The following ANKS1B variants were observed in gnomAD, a reference collection of about 807,000 sequenced individuals.
The protein encoded by ANKS1B is ankyrin repeat and sterile alpha motif domain-containing protein 1B.
ANKS1B carries 36 observed loss-of-function variants against 148.3 expected under a neutral mutation model. The ratio of observed to expected loss-of-function variants is 0.24; its 90% CI spans 0.19 to 0.32. The LOEUF (loss-of-function observed/expected upper bound fraction) is 0.32, where lower values mean the gene tolerates loss of function less well. ANKS1B is among the 10% of genes least tolerant of loss of function. The pLI is 1.00. For missense variants in ANKS1B, 1,157 were observed against 1,542.6 expected, an observed-to-expected ratio of 0.75 and a Z score of 4.19; for synonymous variants, 542 against 560.8, an observed-to-expected ratio of 0.97 and a Z score of 0.47.
intron 8 of ANKS1B, among the ~76,000 whole-genome samples, chr12:99,757,374 A>G (rs7968290): frequency 0.44 from 67,240 of 151,894 alleles, 15,229 homozygotes; most frequent in South Asian, 0.61. Context: ...TTAGAGAAAC[A>G]CAAACCAAAA....
intron 12 of ANKS1B, among the ~76,000 whole-genome samples, chr12:99,298,104 A>T (rs1212710042): frequency 6.6e-6 from 1 of 152,140 alleles, no homozygotes; most frequent in Non-Finnish European, 1.5e-5. Context: ...ATCTGTCTAT[A>T]CCTGTCAGAT....
rs891980760 is a variant in ANKS1B, at chr12:99,582,071, G to T, written c.1272+72996C>A. Among the ~76,000 whole-genome samples, 11 of 151,774 alleles carry T rather than the reference G, an allele frequency of 7.2e-5. 1 individual carries two copies. Among genetic ancestry groups the T allele is most frequent in the African/African-American group, 2.7e-4 (11 of 41,368 alleles). On this transcript the variant is annotated intron_variant, in intron 9 of 26. Coordinates refer to ENST00000683438, the MANE Select transcript of ANKS1B (RefSeq NM_001352186.2). ...AAAGATATAAAGATACTTTATAAAA[G>T]AATATATATGAATGGCAAATAATAA...
At chr12:99,938,112 A>C (rs888637363) in intron 1 of ANKS1B, among the ~76,000 whole-genome samples, 4 of 152,180 alleles carry the variant, frequency 2.6e-5, no homozygotes, top group African/African-American at 7.2e-5. Flanking sequence ...GATGGGATAC[A>C]TGTACATGAC....
At chr12:99,394,861 T>C (rs1204351795) in intron 12 of ANKS1B, among the ~76,000 whole-genome samples, 2 of 152,180 alleles carry the variant, frequency 1.3e-5, no homozygotes, top group African/African-American at 4.8e-5. Context: ...TTGACACATC[T>C]ATTCAGATAT....
chr12:99,064,703 G>A (rs1181435074), intron 16 of ANKS1B, among the ~76,000 whole-genome samples: 4 of 152,208 alleles, frequency 2.6e-5, no homozygotes, highest in Non-Finnish European at 5.9e-5. Context: ...AGCAGCACTT[G>A]AGAAATGCTA....
At chr12:98,778,134 C>A (rs1486390004) in intron 24 of ANKS1B, among the ~76,000 whole-genome samples, 1 of 152,136 alleles carries the variant, frequency 6.6e-6, no homozygotes, top group Non-Finnish European at 1.5e-5. Flanking sequence ...GTACGAGATG[C>A]AAGGTTAGGA....
chr12:99,896,082 T>C (rs1382655616), intron 1 of ANKS1B, among the ~76,000 whole-genome samples: 1 of 151,316 alleles, frequency 6.6e-6, no homozygotes, highest in Non-Finnish European at 1.5e-5. Flanking sequence ...TTACTCTTTG[T>C]ATGTGTGTGG....
At chr12:99,547,788 G>A (rs1335585828) in intron 9 of ANKS1B, among the ~76,000 whole-genome samples, 1 of 152,058 alleles carries the variant, frequency 6.6e-6, no homozygotes, top group Non-Finnish European at 1.5e-5. Context: ...TAAAACATCA[G>A]GTATGTTTTA....
At chr12:98,881,724 C>T (rs2152515131) in intron 17 of ANKS1B, among the ~76,000 whole-genome samples, 1 of 152,082 alleles carries the variant, frequency 6.6e-6, no homozygotes, top group East Asian at 1.9e-4. Context: ...GCCATTCTAC[C>T]ACAAAAATGC....
At chr12:99,637,128 A>C (rs2098245662) in intron 9 of ANKS1B, among the ~76,000 whole-genome samples, 1 of 152,116 alleles carries the variant, frequency 6.6e-6, no homozygotes. Flanking sequence ...CAACATAGTG[A>C]AACCCTGTCT....
intron 14 of ANKS1B, among the ~76,000 whole-genome samples, chr12:99,173,819 T>C (rs1291726935): frequency 3.3e-5 from 5 of 152,118 alleles, no homozygotes; most frequent in African/African-American, 1.2e-4. Context: ...ATTTACCCTC[T>C]CATTACTCGT....
chr12:99,732,921 G>A (rs375599473), intron 8 of ANKS1B, among the ~76,000 whole-genome samples: 4 of 151,790 alleles, frequency 2.6e-5, no homozygotes, highest in Non-Finnish European at 5.9e-5. Context: ...TTTTCATTCA[G>A]TTATAAGACC....
chr12:99,069,654 A>G (rs1180713786), intron 16 of ANKS1B, among the ~76,000 whole-genome samples: 1 of 152,234 alleles, frequency 6.6e-6, no homozygotes, highest in Non-Finnish European at 1.5e-5. Flanking sequence ...GCTAAAATGT[A>G]TTTCCTCTTG....
intron 16 of ANKS1B, among the ~76,000 whole-genome samples, chr12:99,081,853 CAT>C (rs774017322): frequency 1.6e-4 from 25 of 152,228 alleles, no homozygotes; most frequent in Non-Finnish European, 2.8e-4. Context: ...ATTTGAATGA[CAT>C]GTGAGGAAAA....
At chr12:99,127,921 T>C (rs1461872431) in intron 15 of ANKS1B, among the ~76,000 whole-genome samples, 1 of 152,198 alleles carries the variant, frequency 6.6e-6, no homozygotes, top group Non-Finnish European at 1.5e-5. Context: ...AAAAGATACA[T>C]AAAATGTATT....
At chr12:98,849,321 T>G (rs1334236313) in intron 17 of ANKS1B, among the ~76,000 whole-genome samples, 1 of 152,176 alleles carries the variant, frequency 6.6e-6, no homozygotes, top group East Asian at 1.9e-4. Flanking sequence ...CAGAATGTGT[T>G]GAAGCCTCCC....
At chr12:99,154,681 GGCA>G (rs1482812704) in intron 14 of ANKS1B, 3 of 1,436,870 alleles carry the variant, frequency 2.1e-6, no homozygotes, top group Non-Finnish European at 2.7e-6. Context: ...CCCAAAACCA[GGCA>G]GCAGAAGAAG....
At chr12:99,408,705 T>G (rs1275495520) in intron 11 of ANKS1B, among the ~76,000 whole-genome samples, 3 of 146,076 alleles carry the variant, frequency 2.1e-5, no homozygotes, top group South Asian at 4.2e-4. Flanking sequence ...AATAGACATT[T>G]CTCAAAAGAA....
chr12:99,098,619 CTTTTTTTTTTTTTTTTTTT>C (rs71081896), intron 15 of ANKS1B, among the ~76,000 whole-genome samples: 569 of 32,112 alleles, frequency 0.018, 16 homozygotes, highest in African/African-American at 0.05. Flanking sequence ...CTAGGAACTA[CTTTTTTTTTTTTTTTTTTT>C]TTTTTTTTTT....
Sources: gnomAD v4.1 joint callset for allele counts (sites outside exome capture counted in the v4.1 genomes callset) on GRCh38, gnomAD v4.1.1 for gene constraint, MANE v1.5 for transcripts, NCBI Gene and HGNC (gene_info 2026-07-23, HGNC 2026-07-21) for gene names.